The following RAPGEF2 variants were observed in gnomAD, a reference collection of about 807,000 sequenced individuals.
RAPGEF2 encodes Rap guanine nucleotide exchange factor 2.
RAPGEF2 carries 54 observed loss-of-function variants against 186.7 expected under a neutral mutation model. The ratio of observed to expected loss-of-function variants is 0.29; its 90% CI spans 0.23 to 0.36. The LOEUF (loss-of-function observed/expected upper bound fraction) is 0.36, where lower values mean the gene tolerates loss of function less well. Among genes scored for constraint, RAPGEF2 ranks in the 10% least tolerant of loss-of-function variants. The pLI is 1.00. For synonymous variants in RAPGEF2, 712 were observed against 705.9 expected (o/e 1.01, Z -0.14); for missense variants, 1,532 against 2,045.0 (o/e 0.75, Z 4.84).
chr4:159,343,352 G>T lies in RAPGEF2; in HGVS notation c.3202G>T (p.Val1068Phe). 6.2e-7 allele frequency: 1 copy of T among 1,614,092 alleles called. No homozygotes were observed. ...GATGATTGCAAAAGAAATTCGTCAC[G>T]TTGGCCGAATGGCTTCAGTGAACAT... ...LRMIAKEIRH[V>F]GRMASVNMDP... The change falls in exon 22 of 30, where the codon GTT becomes TTT. Residue 1068 changes from valine (V) to phenylalanine (F), a missense_variant. Physicochemically the swap from Val to Phe is conservative, Grantham distance 50 (BLOSUM62 -1). This residue lies in a region of RAPGEF2 where 117 missense variants were observed against 180.8 expected (regional missense o/e 0.65). Coordinates refer to ENST00000691494, the MANE Select transcript of RAPGEF2 (RefSeq NM_001394067.2).
intron 7 of RAPGEF2, among the ~76,000 whole-genome samples, chr4:159,255,495 C>G (rs1756049258): frequency 6.6e-6 from 1 of 151,974 alleles, no homozygotes; most frequent in South Asian, 2.1e-4. Flanking sequence ...CTCTGACATT[C>G]AAAATTCTTT....
chr4:159,326,791 C>T (rs1355026922), intron 11 of RAPGEF2: 1 of 152,174 alleles, frequency 6.6e-6, no homozygotes, highest in African/African-American at 2.4e-5. Context: ...TCTTTATTTC[C>T]TCTTTTACCC....
At chr4:159,273,766 T>C (rs553669118) in intron 7 of RAPGEF2, among the ~76,000 whole-genome samples, 2 of 151,954 alleles carry the variant, frequency 1.3e-5, no homozygotes, top group Non-Finnish European at 2.9e-5. Flanking sequence ...CTCATAGGTA[T>C]AAGTATTCCT....
chr4:159,228,052 T>C (rs1752219012), intron 4 of RAPGEF2, among the ~76,000 whole-genome samples: 1 of 152,154 alleles, frequency 6.6e-6, no homozygotes, highest in Non-Finnish European at 1.5e-5. Flanking sequence ...AATGAATTAA[T>C]AGAAATTGAT....
chr4:159,249,882 C>T (rs1755103328), intron 7 of RAPGEF2, among the ~76,000 whole-genome samples: 1 of 152,072 alleles, frequency 6.6e-6, no homozygotes, highest in East Asian at 1.9e-4. Flanking sequence ...TTTTATGATA[C>T]AGCTCAGTAG....
At chr4:159,275,500 T>C (rs1269842059) in intron 7 of RAPGEF2, among the ~76,000 whole-genome samples, 2 of 152,214 alleles carry the variant, frequency 1.3e-5, no homozygotes, top group Non-Finnish European at 2.9e-5. Flanking sequence ...TGTATACATG[T>C]ACTTATTTCA....
chr4:159,180,986 T>C (rs1170261533), intron 1 of RAPGEF2, among the ~76,000 whole-genome samples: 1 of 152,226 alleles, frequency 6.6e-6, no homozygotes, highest in Non-Finnish European at 1.5e-5. Flanking sequence ...GATAAAGAAA[T>C]AATGGTTATT....
intron 11 of RAPGEF2, chr4:159,328,386 T>G (rs1007225045): frequency 6.6e-6 from 1 of 152,116 alleles, no homozygotes; most frequent in African/African-American, 2.4e-5. Context: ...GTATTTTTAA[T>G]ATAATTAAAG....
Position 159,304,387 on chromosome 4 carries a change from C to T in RAPGEF2, c.589C>T (p.Pro197Ser). 1.2e-6 allele frequency: 2 copies of T among 1,603,546 alleles called. No individual in the cohort carries two copies. The highest frequency in any genetic ancestry group is 1.7e-6 in the Non-Finnish European group (2 of 1,170,826). ...TKLHLTDSLH[P>S]QVTHVSSSHS... ...ACTGCATCTTACTGACAGTCTCCAC[C>T]CACAGGTGACCCACGTTTCTTCTAG... The change falls in exon 8 of 30, where the codon CCA becomes TCA. Residue 197 changes from proline (P) to serine (S), a missense_variant. By Grantham distance (74) the Pro-to-Ser change is moderately conservative (BLOSUM62 -1). This residue lies in a region of RAPGEF2 where 810 missense variants were observed against 1,210.5 expected (regional missense o/e 0.67). Transcript: ENST00000691494.
chr4:159,141,124 A>C lies in RAPGEF2; in HGVS notation c.69+36893A>C, dbSNP rs1742274277. On this transcript the variant is annotated intron_variant, in intron 1 of 29. Transcript: ENST00000691494. Reference sequence around the variant, plus strand: ...TAAAAGTACTTTTTTAAAATAAAAAATACAAACGCTTTGCAACCCAATCTA... The same window carrying C: ...TAAAAGTACTTTTTTAAAATAAAAACTACAAACGCTTTGCAACCCAATCTA... 8.5e-5 allele frequency among the ~76,000 whole-genome samples: 13 copies of C among 152,318 alleles called. No homozygotes were observed. In the South Asian group the frequency reaches 2.3e-3, roughly 27 times the overall value.
At chr4:159,354,108 C>A in intron 28 of RAPGEF2, 62 bp downstream of exon 28, 1 of 1,427,672 alleles carries the variant, frequency 7.0e-7, no homozygotes, top group South Asian at 1.4e-5. Context: ...TAACTTATTA[C>A]AATAGTAAAA....
chr4:159,300,090 T>TCAGAGAAAAA (rs1762469306), intron 7 of RAPGEF2, among the ~76,000 whole-genome samples: 2 of 151,530 alleles, frequency 1.3e-5, no homozygotes, highest in Non-Finnish European at 2.9e-5. Context: ...TTTATTAATA[T>TCAGAGAAAAA]TATAAAGTAT....
chr4:159,155,040 T>A (rs1245237074), intron 1 of RAPGEF2, among the ~76,000 whole-genome samples: 3 of 152,192 alleles, frequency 2.0e-5, no homozygotes, highest in African/African-American at 7.2e-5. Context: ...TATAAAAATT[T>A]GATATTTCGA....
At chr4:159,356,629 G>C (rs986754127) in intron 29 of RAPGEF2, among the ~76,000 whole-genome samples, 2 of 152,170 alleles carry the variant, frequency 1.3e-5, no homozygotes, top group Non-Finnish European at 2.9e-5. Context: ...GGCCAGGTGC[G>C]ATGGCTTACA....
intron 4 of RAPGEF2, among the ~76,000 whole-genome samples, chr4:159,221,171 G>A (rs1218941070): frequency 6.6e-6 from 1 of 152,174 alleles, no homozygotes; most frequent in Non-Finnish European, 1.5e-5. Context: ...CAACACAGTA[G>A]GACCCAATTT....
chr4:159,229,227 T>G lies in RAPGEF2; in HGVS notation c.282-9582T>G, dbSNP rs532518822. Reference sequence around the variant, plus strand: ...TCTGCTTGACTCCTGTGTATTCCCTTGCTGGGTGTAGGCTGACTTGAATAA... The same window carrying G: ...TCTGCTTGACTCCTGTGTATTCCCTGGCTGGGTGTAGGCTGACTTGAATAA... On this transcript the variant is annotated intron_variant, in intron 4 of 29. Transcript: ENST00000691494. The G allele has an allele frequency of 3.9e-5, 6 of 152,342 alleles. No individual in the cohort carries two copies. The East Asian group carries it at 1.2e-3, about 29-fold the overall frequency. 9.4% of individuals were successfully genotyped at this position (152,342 alleles called of 1,614,324 possible).
intron 23 of RAPGEF2, 37 bp downstream of exon 23, chr4:159,344,096 C>A: frequency 6.6e-7 from 1 of 1,520,836 alleles, no homozygotes; most frequent in South Asian, 1.1e-5. Context: ...ACACACAGTT[C>A]TTATTCTGCT....
Position 159,314,640 on chromosome 4 carries a change from C to T in RAPGEF2, c.725C>T (p.Thr242Ile), listed in dbSNP as rs1764332324. 6.2e-7 allele frequency: 1 copy of T among 1,613,916 alleles called. No homozygotes were observed. Among genetic ancestry groups the T allele is most frequent in the Non-Finnish European group, 8.5e-7 (1 of 1,179,938 alleles). The change falls in exon 9 of 30, where the codon ACA becomes ATA. Residue 242 changes from threonine to isoleucine, a missense_variant. Around this residue, in one of 4 missense-constraint regions of RAPGEF2, gnomAD observed 810 missense variants for 1,210.5 expected, o/e 0.67. Coordinates refer to ENST00000691494, the MANE Select transcript of RAPGEF2 (RefSeq NM_001394067.2). ...ATGGACCTGAGTGGGTTGCCAGAAA[C>T]AGCAGTGGATTCCGAAGACGACGAC... ...GDMDLSGLPE[T>I]AVDSEDDDDE...
At chr4:159,122,971 T>C (rs1164009477) in intron 1 of RAPGEF2, among the ~76,000 whole-genome samples, 1 of 152,156 alleles carries the variant, frequency 6.6e-6, no homozygotes, top group East Asian at 1.9e-4. Flanking sequence ...GTTATTTTTA[T>C]TATTTATTAA....
Sources: allele counts gnomAD v4.1 joint callset (sites outside exome capture counted in the v4.1 genomes callset), GRCh38; gene constraint gnomAD v4.1.1; regional missense constraint gnomAD v4.1.1; transcripts MANE v1.5; gene names NCBI Gene and HGNC (gene_info 2026-07-23, HGNC 2026-07-21).